GAPVD1: variants seen among roughly 807,000 people sequenced by gnomAD.
The protein encoded by GAPVD1 is GTPase-activating protein and VPS9 domain-containing protein 1.
Under a neutral mutation model 155.5 loss-of-function variants are expected in GAPVD1, and 35 were observed. The ratio of observed to expected loss-of-function variants is 0.23; its 90% CI spans 0.17 to 0.30. GAPVD1 has a LOEUF of 0.30. GAPVD1 is among the 10% of genes least tolerant of loss of function. The probability of loss-of-function intolerance (pLI) is 1.00; values close to 1 mark genes in which losing one functional copy is unlikely to be tolerated. For synonymous variants in GAPVD1, 636 were observed against 619.7 expected, an observed-to-expected ratio of 1.03 and a Z score of -0.39; for missense variants, 1,429 against 1,775.7, an observed-to-expected ratio of 0.80 and a Z score of 3.51.
chr9:125,320,687 G>A (rs1238713675), intron 9 of GAPVD1, among the ~76,000 whole-genome samples: 3 of 151,606 alleles, frequency 2.0e-5, no homozygotes, highest in African/African-American at 7.3e-5. Flanking sequence ...GTGCAGTGGC[G>A]CGATCTCGGC....
chr9:125,357,134 A>G (rs1850200422), intron 25 of GAPVD1, among the ~76,000 whole-genome samples: 1 of 152,160 alleles, frequency 6.6e-6, no homozygotes. Context: ...CCCTGTTCTT[A>G]ATCACTGGTT....
At chr9:125,360,943 C>A (rs979629545) in intron 27 of GAPVD1, among the ~76,000 whole-genome samples, 7 of 152,170 alleles carry the variant, frequency 4.6e-5, no homozygotes, top group African/African-American at 1.4e-4. Flanking sequence ...CCCACTGCAA[C>A]CTCCATCTCC....
At chr9:125,267,380 G>C (rs1312991546) in intron 1 of GAPVD1, among the ~76,000 whole-genome samples, 1 of 151,302 alleles carries the variant, frequency 6.6e-6, no homozygotes, top group Non-Finnish European at 1.5e-5. Context: ...TCAGTCTCCT[G>C]AGTAGGTTGG....
intron 17 of GAPVD1, among the ~76,000 whole-genome samples, chr9:125,340,103 C>T (rs1240416064): frequency 6.6e-6 from 1 of 152,216 alleles, no homozygotes; most frequent in Non-Finnish European, 1.5e-5. Context: ...TCACCGCAAC[C>T]TCCACCTCCC....
In GAPVD1 at chr9:125,323,897, C is replaced by T; in HGVS notation, c.1832C>T (p.Ala611Val). ...AGPSGSNGVE[A>V]LQLLEHEQAT... ...CCTTCTGGCAGTAATGGAGTTGAAG[C>T]TCTACAGCTGTTAGAACATGAGCAA... Residue 611 changes from alanine to valine, a missense_variant, in exon 11 of 28, where the codon GCT becomes GTT. Ala to Val is a moderately conservative substitution (Grantham distance 64, BLOSUM62 0). Around this residue, in one of 4 missense-constraint regions of GAPVD1, gnomAD observed 628 missense variants for 733.4 expected, o/e 0.86. Coordinates refer to ENST00000297933, the MANE Select transcript of GAPVD1 (RefSeq NM_001282680.3). 2 of 1,613,754 alleles carry T rather than the reference C, an allele frequency of 1.2e-6. No individual in the cohort carries two copies. Among genetic ancestry groups the T allele is most frequent in the Non-Finnish European group, 1.7e-6 (2 of 1,179,742 alleles).
rs1006941850 is a variant in GAPVD1 at position 125,363,547 on chromosome 9, A to C, written c.*801A>C. 3 of 152,268 alleles carry C rather than the reference A, an allele frequency of 2.0e-5. No homozygotes were observed. Among genetic ancestry groups the C allele is most frequent in the Non-Finnish European group, 4.4e-5 (3 of 68,038 alleles). The allele number at this position is 152,268 out of a possible 1,614,324, so 9.4% of individuals were successfully genotyped here. The stretch of plus-strand genomic sequence containing the variant: ...TCACCGTGGAAGTTTGTGAGCCTGC[A>C]TTAGGAGATAGACTGATTACCATAC... On this transcript the variant is annotated 3_prime_UTR_variant, in exon 28 of 28. Coordinates refer to ENST00000297933, the MANE Select transcript of GAPVD1 (RefSeq NM_001282680.3).
chr9:125,305,989 A>G (rs1841734656), intron 6 of GAPVD1, among the ~76,000 whole-genome samples: 1 of 152,128 alleles, frequency 6.6e-6, no homozygotes, highest in African/African-American at 2.4e-5. Context: ...TTATAAGTTA[A>G]CATCTATGAC....
intron 6 of GAPVD1, among the ~76,000 whole-genome samples, chr9:125,306,481 A>G (rs1029382670): frequency 2.0e-5 from 3 of 151,694 alleles, no homozygotes; most frequent in African/African-American, 7.3e-5. Flanking sequence ...GTGTTGTGTT[A>G]TGTTTGTCTC....
At chr9:125,298,319 T>G (rs1237278112) in intron 3 of GAPVD1, among the ~76,000 whole-genome samples, 1 of 152,200 alleles carries the variant, frequency 6.6e-6, no homozygotes, top group East Asian at 1.9e-4. Flanking sequence ...ACACAGGGTT[T>G]ACAGCACCTG....
intron 2 of GAPVD1, among the ~76,000 whole-genome samples, chr9:125,283,031 T>C (rs1475075493): frequency 3.0e-5 from 4 of 134,604 alleles, no homozygotes; most frequent in Non-Finnish European, 6.6e-5. Context: ...TTTTTATTTT[T>C]ATTTATTTAT....
chr9:125,295,370 T>TCTTA (rs1839671482), intron 2 of GAPVD1, 88 bp from the exon 3 acceptor site: 2 of 151,926 alleles, frequency 1.3e-5, no homozygotes, highest in African/African-American at 2.4e-5. Flanking sequence ...TATAGTGGTG[T>TCTTA]CTTAGAAAAG....
chr9:125,281,620 A>T (rs975649461), intron 2 of GAPVD1, among the ~76,000 whole-genome samples: 1 of 152,222 alleles, frequency 6.6e-6, no homozygotes, highest in Non-Finnish European at 1.5e-5. Flanking sequence ...ATACATTATC[A>T]TTAAATAAGG....
chr9:125,276,731 G>C (rs1332929857), intron 2 of GAPVD1, among the ~76,000 whole-genome samples: 1 of 152,094 alleles, frequency 6.6e-6, no homozygotes, highest in Non-Finnish European at 1.5e-5. Flanking sequence ...TGGAATGTGA[G>C]AAGATATTTT....
In GAPVD1 at chr9:125,302,437, C is replaced by T; in HGVS notation, c.640C>T (p.His214Tyr). 1 of 1,613,636 alleles carries T rather than the reference C, an allele frequency of 6.2e-7. No homozygotes were observed. Among genetic ancestry groups the T allele is most frequent in the African/African-American group, 1.3e-5 (1 of 75,008 alleles). The change falls in exon 5 of 28, where the codon CAC becomes TAC. Residue 214 changes from histidine (H) to tyrosine (Y), a missense_variant. His to Tyr is a moderately conservative substitution (Grantham distance 83, BLOSUM62 2). Transcript: ENST00000297933. The stretch of plus-strand genomic sequence containing the variant: ...GCAACTGCTTGTTGAAGATGAAGAT[C>T]ACCTGGAAACAGATCCAAACAAGCT... ...IMQLLVEDED[H>Y]LETDPNKLIE...
intron 23 of GAPVD1, among the ~76,000 whole-genome samples, chr9:125,352,333 C>G (rs576961931): frequency 6.6e-6 from 1 of 152,366 alleles, no homozygotes; most frequent in Non-Finnish European, 1.5e-5. Flanking sequence ...AAACTTCTGC[C>G]TGGGCATCCA....
intron 10 of GAPVD1, among the ~76,000 whole-genome samples, chr9:125,322,095 T>G (rs1170842891): frequency 5.9e-5 from 9 of 152,116 alleles, no homozygotes; most frequent in Non-Finnish European, 1.3e-4. Flanking sequence ...AGACAGAGTC[T>G]CGTTCGTTGC....
chr9:125,269,809 C>G (rs1386824099), intron 2 of GAPVD1, among the ~76,000 whole-genome samples: 1 of 145,946 alleles, frequency 6.9e-6, no homozygotes, highest in South Asian at 2.2e-4. Context: ...CCTCTGCCTT[C>G]CAGGTTCAAG....
chr9:125,313,195 G>T (rs1352083554), intron 9 of GAPVD1, among the ~76,000 whole-genome samples: 1 of 151,938 alleles, frequency 6.6e-6, no homozygotes, highest in Admixed American at 6.6e-5. Context: ...CTCTCCAAAG[G>T]CCCGATCTCC....
rs182918116 is a variant in GAPVD1 at position 125,333,350 on chromosome 9, G to A, written c.2428+721G>A. Among the ~76,000 whole-genome samples, 183 of 152,228 alleles carry A rather than the reference G, an allele frequency of 1.2e-3. 1 individual carries two copies. The highest frequency in any genetic ancestry group is 0.01 in the South Asian group (50 of 4,828). On this transcript the variant is annotated intron_variant, in intron 15 of 27. Coordinates refer to ENST00000297933, the MANE Select transcript of GAPVD1 (RefSeq NM_001282680.3). ...CTGCCTCGGCCTCCCAAAGTGCTGG[G>A]AGTACAGGTGTGAGCCACCGCACCC...
Sources: gnomAD v4.1 joint callset for allele counts (sites outside exome capture counted in the v4.1 genomes callset) on GRCh38, gnomAD v4.1.1 for gene constraint, gnomAD v4.1.1 regional missense constraint, MANE v1.5 for transcripts, NCBI Gene and HGNC (gene_info 2026-07-23, HGNC 2026-07-21) for gene names.